Variants in PPP2R5C observed in about 807,000 individuals in gnomAD.
PPP2R5C encodes protein phosphatase 2 regulatory subunit B'gamma.
A neutral mutation model predicts 68.9 loss-of-function variants in PPP2R5C; 7 were observed. That is an observed-to-expected ratio of 0.10 (90% CI 0.06 to 0.19). The LOEUF (loss-of-function observed/expected upper bound fraction) is 0.19. Among genes scored for constraint, PPP2R5C ranks in the 10% least tolerant of loss-of-function variants. The probability of loss-of-function intolerance (pLI) is 1.00; values close to 1 mark genes in which losing one functional copy is unlikely to be tolerated. For missense variants in PPP2R5C, 348 were observed against 641.3 expected (o/e 0.54, Z 4.94); for synonymous variants, 210 against 222.2 (o/e 0.95, Z 0.49).
chr14:101,834,786 T>C (rs2040976547), intron 1 of PPP2R5C, among the ~76,000 whole-genome samples: 1 of 152,164 alleles, frequency 6.6e-6, no homozygotes, highest in African/African-American at 2.4e-5. Flanking sequence ...TCTAATTGAC[T>C]ACCTCTACTC....
intron 1 of PPP2R5C, among the ~76,000 whole-genome samples, chr14:101,854,024 T>C (rs564839064): frequency 4.5e-4 from 69 of 152,176 alleles, no homozygotes; most frequent in African/African-American, 1.6e-3. Context: ...TGATGAGAAT[T>C]GAAGGCAAGC....
chr14:101,854,274 CAG>C (rs990739774), intron 1 of PPP2R5C, among the ~76,000 whole-genome samples: 3 of 152,176 alleles, frequency 2.0e-5, no homozygotes, highest in Non-Finnish European at 4.4e-5. Flanking sequence ...GCGTAGGAAA[CAG>C]GGAAACCGTA....
At chr14:101,905,394 C>G (rs2045969869) in intron 9 of PPP2R5C, among the ~76,000 whole-genome samples, 1 of 151,656 alleles carries the variant, frequency 6.6e-6, no homozygotes, top group Non-Finnish European at 1.5e-5. Context: ...CGTGGTAGCT[C>G]ACGCCTGTAA....
chr14:101,905,664 A>G (rs1324003474), intron 9 of PPP2R5C, among the ~76,000 whole-genome samples: 1 of 151,944 alleles, frequency 6.6e-6, no homozygotes, highest in Admixed American at 6.5e-5. Flanking sequence ...TCTCAAAAAA[A>G]AAAAAGAAAA....
At chr14:101,871,864 T>C (rs1280995192) in intron 2 of PPP2R5C, among the ~76,000 whole-genome samples, 1 of 152,190 alleles carries the variant, frequency 6.6e-6, no homozygotes, top group Non-Finnish European at 1.5e-5. Context: ...CTATTTCATA[T>C]AGAATATAAG....
chr14:101,920,229 G>C (rs4906163), intron 13 of PPP2R5C, among the ~76,000 whole-genome samples: 29,773 of 152,142 alleles, frequency 0.2, 4,713 homozygotes, highest in African/African-American at 0.43. Flanking sequence ...TGAAAGTCAG[G>C]CCTAGTATCT....
At chr14:101,867,148 C>A (rs1316349424) in intron 2 of PPP2R5C, among the ~76,000 whole-genome samples, 1 of 151,436 alleles carries the variant, frequency 6.6e-6, no homozygotes, top group African/African-American at 2.4e-5. Flanking sequence ...ACCCAGGAGG[C>A]AGAGGTTGCA....
At chr14:101,909,400 T>C (rs1302488831) in intron 10 of PPP2R5C, among the ~76,000 whole-genome samples, 189 bp from the exon 13 acceptor site, 2 of 152,168 alleles carry the variant, frequency 1.3e-5, no homozygotes, top group African/African-American at 4.8e-5. Context: ...TGAGAGCCAC[T>C]GTGAAGAAAG....
In PPP2R5C at chr14:101,797,207, C is replaced by T. The variant is rs1176007280; in HGVS notation, c.259+11024C>T. The T allele has an allele frequency of 2.2e-6, 1 of 456,032 alleles. No individual in the cohort carries two copies. Among genetic ancestry groups the T allele is most frequent in the Non-Finnish European group, 4.4e-6 (1 of 226,788 alleles). The allele number at this position is 456,032 out of a possible 1,614,324, so 28.2% of individuals were successfully genotyped here. A position where few individuals can be genotyped will look rare whatever the true frequency, so the allele number is the denominator to read the frequency against. ...CTTATTTCCCTAAACATAATATCTT[C>T]CAGGTCCCCCCACATTGTAGCACGT... On this transcript the variant is annotated intron_variant, in intron 3 of 14. Transcript: ENST00000328724. The surrounding 1 kb of genome is among the most constrained non-coding windows in gnomAD (Gnocchi z 4.2).
intron 2 of PPP2R5C, among the ~76,000 whole-genome samples, chr14:101,861,899 T>G (rs2042761475): frequency 6.6e-6 from 1 of 152,222 alleles, no homozygotes; most frequent in African/African-American, 2.4e-5. Flanking sequence ...AAATGTGAGC[T>G]TTCTAGGGAA....
intron 1 of PPP2R5C, among the ~76,000 whole-genome samples, chr14:101,833,851 G>A (rs1368670536): frequency 6.6e-6 from 1 of 152,170 alleles, no homozygotes; most frequent in Non-Finnish European, 1.5e-5. Context: ...ACCCAGGCTG[G>A]AGTGCAGTGG....
intron 1 of PPP2R5C, among the ~76,000 whole-genome samples, chr14:101,832,980 T>C (rs1206836140): frequency 3.3e-5 from 5 of 152,134 alleles, no homozygotes; most frequent in Admixed American, 1.3e-4. Flanking sequence ...CAGTTGTGGA[T>C]AGTCAGGGAG....
chr14:101,828,143 C>T (rs1478658955), intron 1 of PPP2R5C, among the ~76,000 whole-genome samples: 38 of 152,112 alleles, frequency 2.5e-4, no homozygotes, highest in Non-Finnish European at 1.5e-5. Flanking sequence ...ATTTATGTAA[C>T]CTCAAAGCCC....
intron 11 of PPP2R5C, among the ~76,000 whole-genome samples, chr14:101,911,738 C>G (rs2141112676): frequency 6.6e-6 from 1 of 152,074 alleles, no homozygotes; most frequent in Admixed American, 6.5e-5. Flanking sequence ...CGAAAATTAG[C>G]CGGGCGGTAG....
chr14:101,896,797 G>T (rs2140996797), intron 8 of PPP2R5C, among the ~76,000 whole-genome samples: 1 of 152,144 alleles, frequency 6.6e-6, no homozygotes, highest in South Asian at 2.1e-4. Context: ...AAAAGTCACT[G>T]TTAGACTAGA....
intron 6 of PPP2R5C, among the ~76,000 whole-genome samples, chr14:101,890,852 A>G (rs1193302896): frequency 7.1e-6 from 1 of 141,760 alleles, no homozygotes; most frequent in African/African-American, 2.7e-5. Context: ...GGCTCACTGC[A>G]ATCTCTGCTT....
At chr14:101,908,048 G>T (rs1267682300) in intron 10 of PPP2R5C, among the ~76,000 whole-genome samples, 1 of 152,228 alleles carries the variant, frequency 6.6e-6, no homozygotes, top group Non-Finnish European at 1.5e-5. Flanking sequence ...CTGAGCAGCT[G>T]TCTGAACCCG....
chr14:101,874,604 A>T (rs953000190), intron 2 of PPP2R5C, among the ~76,000 whole-genome samples: 1 of 152,256 alleles, frequency 6.6e-6, no homozygotes. Flanking sequence ...TCATGCACAT[A>T]ACTGTAAATG....
chr14:101,776,908 T>C (rs1055893133), intron 2 of PPP2R5C, among the ~76,000 whole-genome samples: 1 of 144,082 alleles, frequency 6.9e-6, no homozygotes, highest in Non-Finnish European at 1.5e-5. Flanking sequence ...TGAGATGGAG[T>C]CTTGCTCTGT....
Sources: gnomAD v4.1 joint callset for allele counts (sites outside exome capture counted in the v4.1 genomes callset) on GRCh38, gnomAD v4.1.1 for gene constraint, Gnocchi (gnomAD v3.1) non-coding constraint, MANE v1.5 for transcripts, NCBI Gene and HGNC (gene_info 2026-07-23, HGNC 2026-07-21) for gene names.